CNGB3: variants seen among roughly 807,000 people sequenced by gnomAD.
The protein encoded by CNGB3 is cyclic nucleotide-gated channel beta-3.
Under a neutral mutation model 92.8 loss-of-function variants are expected in CNGB3, and 86 were observed. The observed-to-expected ratio is 0.93, with a 90% CI of 0.78 to 1.11. The LOEUF (loss-of-function observed/expected upper bound fraction) is 1.11. Ranked by LOEUF, CNGB3 falls within the 50% of genes least tolerant of loss-of-function variation. The pLI is 0.00. For synonymous variants in CNGB3, 333 were observed against 332.7 expected (o/e 1.00, Z -0.01); for missense variants, 1,026 against 956.8 (o/e 1.07, Z -0.95).
At chr8:86,664,923 T>C (rs1446740964) in intron 6 of CNGB3, among the ~76,000 whole-genome samples, 2 of 152,134 alleles carry the variant, frequency 1.3e-5, no homozygotes, top group African/African-American at 4.8e-5. Flanking sequence ...CACTGAATAA[T>C]AGTATATTTT....
intron 15 of CNGB3, among the ~76,000 whole-genome samples, chr8:86,603,528 A>T (rs1822352029): frequency 6.6e-6 from 1 of 152,240 alleles, no homozygotes; most frequent in African/African-American, 2.4e-5. Context: ...AGTTGTTAAT[A>T]GATGCCAGGC....
intron 15 of CNGB3, among the ~76,000 whole-genome samples, chr8:86,592,307 C>T (rs1045308183): frequency 5.3e-5 from 8 of 152,230 alleles, no homozygotes; most frequent in South Asian, 2.1e-4. Context: ...TCTTCTGCGT[C>T]GCTCAGGCTG....
At chr8:86,599,680 A>G (rs1822250074) in intron 15 of CNGB3, among the ~76,000 whole-genome samples, 1 of 152,178 alleles carries the variant, frequency 6.6e-6, no homozygotes, top group African/African-American at 2.4e-5. Context: ...AGTCTCCTAT[A>G]GCACTCCCAG....
At chr8:86,578,605 A>G in intron 17 of CNGB3, 84 bp downstream of exon 17, 1 of 1,280,884 alleles carries the variant, frequency 7.8e-7, no homozygotes. Flanking sequence ...AGTGTCTGAA[A>G]TGGAATTAGA....
intron 13 of CNGB3, among the ~76,000 whole-genome samples, chr8:86,622,375 CT>C (rs11318413): frequency 0.37 from 48,450 of 131,476 alleles, 7,700 homozygotes; most frequent in African/African-American, 0.54. Context: ...GGCCATTCTT[CT>C]TTTTTTTTTT....
At chr8:86,655,501 T>C (rs943931875) in intron 6 of CNGB3, among the ~76,000 whole-genome samples, 1 of 152,188 alleles carries the variant, frequency 6.6e-6, no homozygotes, top group African/African-American at 2.4e-5. Flanking sequence ...GTTTTTCTTT[T>C]TTTCTTGTGG....
intron 3 of CNGB3, among the ~76,000 whole-genome samples, chr8:86,700,803 A>AT (rs1367743315): frequency 3.9e-5 from 6 of 151,994 alleles, no homozygotes; most frequent in Non-Finnish European, 8.8e-5. Flanking sequence ...ACGCTGGCTA[A>AT]TTTTTGTATT....
At chr8:86,626,684 A>G (rs1408576700) in intron 12 of CNGB3, among the ~76,000 whole-genome samples, 1 of 152,206 alleles carries the variant, frequency 6.6e-6, no homozygotes, top group African/African-American at 2.4e-5. Context: ...GAATCTAAAG[A>G]AAAAATGTGC....
At chr8:86,664,806 A>G (rs529947637) in intron 6 of CNGB3, among the ~76,000 whole-genome samples, 2 of 152,278 alleles carry the variant, frequency 1.3e-5, no homozygotes, top group East Asian at 3.9e-4. Flanking sequence ...GAGGTGTTCT[A>G]CGTACTTGTG....
At chr8:86,690,823 C>CAAA (rs1283816148) in intron 3 of CNGB3, among the ~76,000 whole-genome samples, 1 of 152,110 alleles carries the variant, frequency 6.6e-6, no homozygotes, top group African/African-American at 2.4e-5. Flanking sequence ...GGAATCCTTT[C>CAAA]CCCATTTCTT....
At chr8:86,704,463 A>G (rs1271708909) in intron 3 of CNGB3, 2 of 152,160 alleles carry the variant, frequency 1.3e-5, no homozygotes, top group Non-Finnish European at 2.9e-5. Flanking sequence ...ATTAGACTGT[A>G]TTTTCCTATC....
chr8:86,679,781 C>A (rs1824045273), intron 3 of CNGB3, among the ~76,000 whole-genome samples: 1 of 152,126 alleles, frequency 6.6e-6, no homozygotes, highest in Admixed American at 6.5e-5. Flanking sequence ...CCACCTTGGC[C>A]TCCAAAATTG....
At chr8:86,659,321 C>T (rs1823584605) in intron 6 of CNGB3, 1 of 1,154,392 alleles carries the variant, frequency 8.7e-7, no homozygotes. Flanking sequence ...GTGCCTGCTC[C>T]TCCATGGCCT....
At chr8:86,656,732 A>G (rs1823514593) in intron 6 of CNGB3, among the ~76,000 whole-genome samples, 1 of 152,102 alleles carries the variant, frequency 6.6e-6, no homozygotes, top group Non-Finnish European at 1.5e-5. Flanking sequence ...CACCCCCCCA[A>G]CCAAAATGGC....
rs57486853 is a variant in CNGB3, at chr8:86,635,821, G to GATAT, written c.1179-2932_1179-2929dup. On this transcript the variant is annotated intron_variant, in intron 10 of 17. Transcript: ENST00000320005. Reference sequence around the variant, plus strand: ...ACAATGCATCAACTGTATAACACATGATATATATATATATATATATATATA... The same window carrying GATAT: ...ACAATGCATCAACTGTATAACACATGATATATATATATATATATATATATATATA... Among the ~76,000 whole-genome samples, 438 of 60,474 alleles carry GATAT rather than the reference G, an allele frequency of 7.2e-3. 3 individuals are homozygous for GATAT. Among genetic ancestry groups the GATAT allele is most frequent in the South Asian group, 8.3e-3 (10 of 1,208 alleles). The allele number at this position is 60,474 out of a possible 152,430, so 39.7% of individuals were successfully genotyped here.
intron 2 of CNGB3, among the ~76,000 whole-genome samples, chr8:86,731,728 A>G (rs1174416959): frequency 6.6e-6 from 1 of 152,200 alleles, no homozygotes; most frequent in African/African-American, 2.4e-5. Flanking sequence ...TTCCTCATCC[A>G]TAAAATGAAA....
chr8:86,667,057 G>T lies in CNGB3; in HGVS notation c.720C>A (p.Leu240=). 6.2e-7 allele frequency: 1 copy of T among 1,614,046 alleles called. No homozygotes were observed. Among genetic ancestry groups the T allele is most frequent in the Non-Finnish European group, 8.5e-7 (1 of 1,179,962 alleles). Residue 240 remains leucine (L), a synonymous_variant, in exon 6 of 18, where the codon CTC becomes CTA. Transcript: ENST00000320005. ...NWNCCFIPLR[L]VFPYQTADNI... is the part of the protein sequence containing the mutation. ...TGTCTGCGGTTTGATATGGGAAGAC[G>T]AGGCGCAGTGGTATAAAACAGCAGT...
At chr8:86,596,012 A>G (rs1044825345) in intron 15 of CNGB3, among the ~76,000 whole-genome samples, 2 of 152,218 alleles carry the variant, frequency 1.3e-5, no homozygotes, top group African/African-American at 4.8e-5. Flanking sequence ...GAATATATCA[A>G]TGCCTGAATT....
At chr8:86,723,063 T>C (rs1825000150) in intron 3 of CNGB3, among the ~76,000 whole-genome samples, 1 of 152,148 alleles carries the variant, frequency 6.6e-6, no homozygotes, top group Admixed American at 6.6e-5. Flanking sequence ...TCTATGTCTC[T>C]ATTCCTCTTG....
Sources: gnomAD v4.1 joint callset for allele counts (sites outside exome capture counted in the v4.1 genomes callset) on GRCh38, gnomAD v4.1.1 for gene constraint, MANE v1.5 for transcripts, NCBI Gene and HGNC (gene_info 2026-07-23, HGNC 2026-07-21) for gene names.